ZNRF3: variants seen among roughly 807,000 people sequenced by gnomAD.
ZNRF3 encodes the protein E3 ubiquitin-protein ligase ZNRF3.
A neutral mutation model predicts 72.5 loss-of-function variants in ZNRF3; 23 were observed. That is an observed-to-expected ratio of 0.32 (90% CI 0.23 to 0.45). ZNRF3 has a LOEUF of 0.45. ZNRF3 is among the 20% of genes least tolerant of loss of function. ZNRF3 has a pLI of 1.00. For missense variants in ZNRF3, 1,169 were observed against 1,272.1 expected (o/e 0.92, Z 1.23); for synonymous variants, 610 against 545.3 (o/e 1.12, Z -1.65).
intron 1 of ZNRF3, chr22:28,986,718 T>G: frequency 1.1e-6 from 1 of 884,846 alleles, no homozygotes; most frequent in Non-Finnish European, 1.4e-6. Flanking sequence ...TCGTCTGTAA[T>G]TGCTACTTAG....
intron 2 of ZNRF3, among the ~76,000 whole-genome samples, chr22:29,020,150 A>G (rs1306714290): frequency 6.6e-6 from 1 of 151,924 alleles, no homozygotes; most frequent in African/African-American, 2.4e-5. Context: ...TACCTAATAC[A>G]ATGTAAGTAC....
chr22:28,898,246 C>T (rs2034036727), intron 1 of ZNRF3, among the ~76,000 whole-genome samples: 1 of 152,210 alleles, frequency 6.6e-6, no homozygotes, highest in Admixed American at 6.5e-5. Flanking sequence ...CTGTGCCCAG[C>T]CAAGACTTGT....
At chr22:28,964,027 T>C (rs1357333297) in intron 1 of ZNRF3, among the ~76,000 whole-genome samples, 3 of 152,176 alleles carry the variant, frequency 2.0e-5, no homozygotes, top group African/African-American at 7.2e-5. Flanking sequence ...TACATTCTAG[T>C]GCACCTAGGG....
In ZNRF3 at chr22:29,049,659, G is replaced by A. The variant is rs1250413733; in HGVS notation, c.1478G>A (p.Arg493Gln). The A allele has an allele frequency of 2.5e-6, 4 of 1,609,112 alleles. No homozygotes were observed. The highest frequency in any genetic ancestry group is 8.5e-7 in the Non-Finnish European group (1 of 1,179,320). Residue 493 changes from arginine (R) to glutamine (Q), a missense_variant, in exon 8 of 9, where the codon CGG becomes CAG. Coordinates refer to ENST00000544604, the MANE Select transcript of ZNRF3 (RefSeq NM_001206998.2). This position sits in a 1 kb window ranked among gnomAD's most constrained non-coding sequence, Gnocchi z 5.2. ...CAGTCCCCACCTAGCCTCGCACCCC[G>A]GGGCCCGGCCCGTGCCTTTCCTCCG... ...EGQSPPSLAP[R>Q]GPARAFPPSG...
chr22:29,052,554 G>T (rs895914966), intron 8 of ZNRF3, among the ~76,000 whole-genome samples: 7 of 152,166 alleles, frequency 4.6e-5, no homozygotes, highest in African/African-American at 9.7e-5. Context: ...TTAGCCGGGC[G>T]TGGTGGCGTG....
Position 29,031,518 on chromosome 22 carries a change from T to C in ZNRF3, c.427-10977T>C, listed in dbSNP as rs1176039435. 5.4e-6 allele frequency: 5 copies of C among 922,416 alleles called. No individual in the cohort carries two copies. In the South Asian group the frequency reaches 2.5e-4, roughly 46 times the overall value. The allele number at this position is 922,416 out of a possible 1,614,324, so 57.1% of individuals were successfully genotyped here. On this transcript the variant is annotated intron_variant, in intron 2 of 8. Transcript: ENST00000544604. ...TGCCCAGCGAGAATGTCCTGTGTCA[T>C]GCAGTGACTCATGCTTCAGAGAACA... is the stretch of plus-strand genomic sequence containing the variant.
intron 2 of ZNRF3, among the ~76,000 whole-genome samples, chr22:28,991,588 T>G (rs533482213): frequency 1.7e-4 from 26 of 152,236 alleles, no homozygotes; most frequent in African/African-American, 6.0e-4. Context: ...TGGATGACCA[T>G]GTAGAAGTCA....
At chr22:28,937,203 ATATATATATATATTTTTTTTTT>A (rs1159579958) in intron 1 of ZNRF3, among the ~76,000 whole-genome samples, 7 of 9,554 alleles carry the variant, frequency 7.3e-4, no homozygotes, top group Non-Finnish European at 1.6e-3. Context: ...ATATATATAT[ATATATATATATATTTTTTTTTT>A]TTTTTTTTTT....
chr22:29,039,374 A>G (rs779966061), intron 2 of ZNRF3, among the ~76,000 whole-genome samples: 14 of 152,272 alleles, frequency 9.2e-5, no homozygotes, highest in Admixed American at 3.9e-4. Flanking sequence ...GCGCACAGGT[A>G]CCGCGCTCCT....
Position 29,050,326 on chromosome 22 carries a change from G to T in ZNRF3, c.2145G>T (p.Glu715Asp), listed in dbSNP as rs2037174992. 3 of 1,600,604 alleles carry T rather than the reference G, an allele frequency of 1.9e-6. No homozygotes were observed. Among genetic ancestry groups the T allele is most frequent in the African/African-American group, 1.3e-5 (1 of 74,816 alleles). Reference protein sequence around the residue: ...HELPSCACCCEPQPSPAGPSA... With the variant: ...HELPSCACCCDPQPSPAGPSA... ...TGCCGTCGTGTGCCTGCTGCTGCGA[G>T]CCCCAGCCCTCCCCAGCCGGGCCTA... is the stretch of plus-strand genomic sequence containing the variant. Residue 715 changes from glutamate to aspartate, a missense_variant, in exon 8 of 9, where the codon GAG becomes GAT. Physicochemically the swap from Glu to Asp is conservative, Grantham distance 45. Around this residue, in one of 2 missense-constraint regions of ZNRF3, gnomAD observed 783 missense variants for 731.4 expected, o/e 1.07. Transcript: ENST00000544604.
At chr22:28,975,269 C>T (rs757343642) in intron 1 of ZNRF3, among the ~76,000 whole-genome samples, 9 of 151,912 alleles carry the variant, frequency 5.9e-5, no homozygotes, top group Non-Finnish European at 8.8e-5. Flanking sequence ...TTTGGGAGGC[C>T]GAGGTGGGCG....
intron 1 of ZNRF3, among the ~76,000 whole-genome samples, chr22:28,944,941 A>ATAAC (rs1569255718): frequency 6.7e-6 from 1 of 148,596 alleles, no homozygotes; most frequent in Admixed American, 6.7e-5. Context: ...AAATAAATAA[A>ATAAC]TAAATAAATA....
chr22:28,982,632 T>A (rs2035785943), intron 1 of ZNRF3, among the ~76,000 whole-genome samples: 2 of 152,032 alleles, frequency 1.3e-5, no homozygotes, highest in Admixed American at 1.3e-4. Flanking sequence ...TCTGTTTCAC[T>A]TTTCCCATAA....
chr22:28,983,273 G>T (rs746051709), intron 1 of ZNRF3, among the ~76,000 whole-genome samples: 2 of 151,906 alleles, frequency 1.3e-5, no homozygotes, highest in African/African-American at 4.8e-5. Context: ...CTTAGGAGGG[G>T]AGAGAGCCTG....
At chr22:29,023,626 C>T (rs1267416635) in intron 2 of ZNRF3, among the ~76,000 whole-genome samples, 1 of 152,204 alleles carries the variant, frequency 6.6e-6, no homozygotes, top group East Asian at 1.9e-4. Context: ...GAAGCAGGCT[C>T]AGTCTCTCCT....
chr22:28,917,093 C>T (rs537121186), intron 1 of ZNRF3, among the ~76,000 whole-genome samples: 25 of 152,248 alleles, frequency 1.6e-4, no homozygotes, highest in African/African-American at 5.5e-4. Context: ...GGTGAACGCT[C>T]ATCTGCCTGC....
In ZNRF3 at chr22:29,053,506, A is replaced by C. The variant is rs192649732; in HGVS notation, c.2768-73A>C. On this transcript the variant is annotated intron_variant, in intron 8 of 8. Coordinates refer to ENST00000544604, the MANE Select transcript of ZNRF3 (RefSeq NM_001206998.2). ...CCTGCCACATGCTGGGGACAGGGCC[A>C]CCTGAGTCCCTTGCCTGGTCCCATG... The C allele has an allele frequency of 1.7e-3, 2,605 of 1,495,522 alleles. 10 individuals carry two copies. Among genetic ancestry groups the C allele is most frequent in the Middle Eastern group, 5.4e-3 (30 of 5,536 alleles). The allele number at this position is 1,495,522 out of a possible 1,614,324, so 92.6% of individuals were successfully genotyped here.
chr22:29,015,207 GA>G (rs781475284), intron 2 of ZNRF3, among the ~76,000 whole-genome samples: 5 of 152,136 alleles, frequency 3.3e-5, no homozygotes, highest in Non-Finnish European at 7.3e-5. Flanking sequence ...TAAATCCTCT[GA>G]AAGTTGCATA....
intron 1 of ZNRF3, among the ~76,000 whole-genome samples, chr22:28,944,004 A>G (rs2034999357): frequency 6.6e-6 from 1 of 151,854 alleles, no homozygotes; most frequent in Admixed American, 6.6e-5. Context: ...ATTCCAAAAG[A>G]ACCCCGGATT....
Sources: allele counts gnomAD v4.1 joint callset (sites outside exome capture counted in the v4.1 genomes callset), GRCh38; gene constraint gnomAD v4.1.1; regional missense constraint gnomAD v4.1.1; non-coding constraint Gnocchi (gnomAD v3.1); transcripts MANE v1.5; gene names NCBI Gene and HGNC (gene_info 2026-07-23, HGNC 2026-07-21).